UNC5C: variants seen among roughly 807,000 people sequenced by gnomAD.
The protein encoded by UNC5C is unc-5 netrin receptor C.
In UNC5C, 47 loss-of-function variants were observed where a neutral mutation model predicts 99.8. The observed-to-expected ratio is 0.47, with a 90% CI of 0.37 to 0.60. UNC5C has a LOEUF of 0.60. Ranked by LOEUF, UNC5C falls within the 20% of genes least tolerant of loss-of-function variation. UNC5C has a pLI of 0.00. For synonymous variants in UNC5C, 487 were observed against 452.2 expected (o/e 1.08, Z -0.98); for missense variants, 1,062 against 1,165.9 (o/e 0.91, Z 1.30).
At chr4:95,451,348 T>C (rs1747274352) in intron 1 of UNC5C, among the ~76,000 whole-genome samples, 1 of 152,198 alleles carries the variant, frequency 6.6e-6, no homozygotes, top group Admixed American at 6.5e-5. Context: ...AAAGGAAACT[T>C]CGACAGAAAC....
chr4:95,319,522 C>A (rs1308463949), intron 2 of UNC5C, among the ~76,000 whole-genome samples: 2 of 152,172 alleles, frequency 1.3e-5, no homozygotes, highest in African/African-American at 4.8e-5. Context: ...TGATAGTTGG[C>A]AAATGGTAGC....
At chr4:95,525,596 T>TCAAAAAA (rs1722476555) in intron 1 of UNC5C, among the ~76,000 whole-genome samples, 2 of 102,162 alleles carry the variant, frequency 2.0e-5, no homozygotes, top group South Asian at 7.4e-4. Flanking sequence ...GCCTATTTCT[T>TCAAAAAA]AAAAAAAAAA....
intron 1 of UNC5C, among the ~76,000 whole-genome samples, chr4:95,509,104 T>A (rs1721998443): frequency 6.6e-6 from 1 of 151,818 alleles, no homozygotes; most frequent in Admixed American, 6.6e-5. Flanking sequence ...CATATATAAG[T>A]GGAATACCAA....
chr4:95,336,821 T>A (rs551628722), intron 1 of UNC5C, among the ~76,000 whole-genome samples: 2 of 152,066 alleles, frequency 1.3e-5, no homozygotes, highest in East Asian at 3.9e-4. Flanking sequence ...TACCTAGATA[T>A]TTCTTCTCAC....
chr4:95,331,328 GA>G (rs1743102613), intron 2 of UNC5C, among the ~76,000 whole-genome samples: 1 of 152,100 alleles, frequency 6.6e-6, no homozygotes, highest in African/African-American at 2.4e-5. Context: ...CCTTTGGGTA[GA>G]TGCCAAGTAG....
chr4:95,190,641 C>A (rs950236465), intron 12 of UNC5C, among the ~76,000 whole-genome samples: 11 of 152,126 alleles, frequency 7.2e-5, no homozygotes, highest in Non-Finnish European at 1.5e-5. Context: ...TCTATCTGCA[C>A]CCCTCTAACT....
At chr4:95,246,632 TA>T (rs1200412461) in intron 5 of UNC5C, among the ~76,000 whole-genome samples, 1 of 151,900 alleles carries the variant, frequency 6.6e-6, no homozygotes, top group African/African-American at 2.4e-5. Context: ...ACATTATGCA[TA>T]ATGTATATGT....
chr4:95,485,522 C>T (rs1039298138), intron 1 of UNC5C, among the ~76,000 whole-genome samples: 1 of 151,760 alleles, frequency 6.6e-6, no homozygotes, highest in Non-Finnish European at 1.5e-5. Context: ...ATGTAAGAAC[C>T]TTCATGTGGC....
rs147250761 is a variant in UNC5C at position 95,222,731 on chromosome 4, T to G, written c.1109-2555A>C. Among the ~76,000 whole-genome samples, 904 of 152,316 alleles carry G rather than the reference T, an allele frequency of 5.9e-3. 7 individuals carry two copies. The highest frequency in any genetic ancestry group is 0.021 in the African/African-American group (865 of 41,562). On this transcript the variant is annotated intron_variant, in intron 7 of 15. Transcript: ENST00000453304. ...GAGAACTAAAGAAGACCTGTCATCA[T>G]TGGTCAAAGGTTAAGTACCCATTTA... is the stretch of plus-strand genomic sequence containing the variant.
At position 95,451,360 on chromosome 4, in the gene UNC5C, TA is replaced by T. The variant is rs903146025; in HGVS notation, c.124+97373del. Among the ~76,000 whole-genome samples the T allele has an allele frequency of 3.2e-4, 48 of 152,264 alleles. 1 individual carries two copies. The highest frequency in any genetic ancestry group is 9.9e-4 in the African/African-American group (41 of 41,578). ...CAGAAAGGAAACTTCGACAGAAACA[TA>T]TAAGAAAAAGTAGTCTGTCATTTCT... On this transcript the variant is annotated intron_variant, in intron 1 of 15. Coordinates refer to ENST00000453304, the MANE Select transcript of UNC5C (RefSeq NM_003728.4).
intron 3 of UNC5C, among the ~76,000 whole-genome samples, chr4:95,300,269 C>A (rs984797096): frequency 2.0e-5 from 3 of 152,182 alleles, no homozygotes; most frequent in Non-Finnish European, 2.9e-5. Context: ...AAGCTGCAGC[C>A]TCCTTCTCCC....
At chr4:95,320,810 C>T (rs1024932599) in intron 2 of UNC5C, among the ~76,000 whole-genome samples, 1 of 152,306 alleles carries the variant, frequency 6.6e-6, no homozygotes, top group East Asian at 1.9e-4. Flanking sequence ...TACATATCTA[C>T]TTATATGCAT....
At chr4:95,246,263 A>C (rs1739498480) in intron 5 of UNC5C, among the ~76,000 whole-genome samples, 1 of 152,188 alleles carries the variant, frequency 6.6e-6, no homozygotes, top group Non-Finnish European at 1.5e-5. Context: ...AAGGCTATTT[A>C]ATAATTCATG....
intron 3 of UNC5C, among the ~76,000 whole-genome samples, chr4:95,288,489 A>G (rs1741325067): frequency 6.6e-6 from 1 of 152,236 alleles, no homozygotes; most frequent in Non-Finnish European, 1.5e-5. Context: ...TGGAAAATGG[A>G]TGCCGCGTAG....
chr4:95,481,706 A>T (rs1044823253), intron 1 of UNC5C, among the ~76,000 whole-genome samples: 2 of 152,174 alleles, frequency 1.3e-5, no homozygotes, highest in African/African-American at 4.8e-5. Context: ...ATAACGCCGC[A>T]TATCTACAGC....
intron 7 of UNC5C, among the ~76,000 whole-genome samples, chr4:95,220,546 AAAACAT>A (rs1380112174): frequency 2.0e-5 from 3 of 152,356 alleles, no homozygotes; most frequent in East Asian, 3.9e-4. Context: ...TAGTTCTTTA[AAAACAT>A]AAACATAAAC....
intron 1 of UNC5C, among the ~76,000 whole-genome samples, chr4:95,414,216 T>TCCCC (rs112065562): frequency 4.8e-5 from 7 of 146,782 alleles, no homozygotes; most frequent in East Asian, 2.0e-4. Flanking sequence ...TTTCCCCACC[T>TCCCC]CCCCCCCACA....
At chr4:95,503,007 T>C (rs1011916559) in intron 1 of UNC5C, among the ~76,000 whole-genome samples, 2 of 152,200 alleles carry the variant, frequency 1.3e-5, no homozygotes, top group African/African-American at 4.8e-5. Context: ...GTATTCCATA[T>C]CTTAACTTCC....
chr4:95,400,739 T>A (rs1031594632), intron 1 of UNC5C, among the ~76,000 whole-genome samples: 1 of 152,108 alleles, frequency 6.6e-6, no homozygotes, highest in Non-Finnish European at 1.5e-5. Flanking sequence ...TAGAAGTGGA[T>A]CAACCTTCCA....
Sources: gnomAD v4.1 joint callset for allele counts (sites outside exome capture counted in the v4.1 genomes callset) on GRCh38, gnomAD v4.1.1 for gene constraint, MANE v1.5 for transcripts, NCBI Gene and HGNC (gene_info 2026-07-23, HGNC 2026-07-21) for gene names.